The following TSHZ2 variants were observed in gnomAD, a reference collection of about 807,000 sequenced individuals.
TSHZ2 encodes teashirt zinc finger homeobox 2, also known as teashirt homolog 2.
TSHZ2 carries 21 observed loss-of-function variants against 74.4 expected under a neutral mutation model. The observed-to-expected ratio is 0.28, with a 90% confidence interval of 0.20 to 0.41. The LOEUF is 0.41. Among genes scored for constraint, TSHZ2 ranks in the 10% least tolerant of loss-of-function variants. The pLI is 1.00. For missense variants in TSHZ2, 1,244 were observed against 1,293.5 expected, an observed-to-expected ratio of 0.96 and a Z score of 0.59; for synonymous variants, 540 against 515.3, an observed-to-expected ratio of 1.05 and a Z score of -0.65.
At chr20:53,004,395 A>G (rs2122973897) in intron 1 of TSHZ2, among the ~76,000 whole-genome samples, 1 of 152,318 alleles carries the variant, frequency 6.6e-6, no homozygotes, top group East Asian at 1.9e-4. Flanking sequence ...CCTGATGGCC[A>G]AGACGTAAGA....
At chr20:53,114,412 G>GA (rs1436670229) in intron 1 of TSHZ2, among the ~76,000 whole-genome samples, 1 of 151,782 alleles carries the variant, frequency 6.6e-6, no homozygotes, top group African/African-American at 2.4e-5. Context: ...ATCTATAAAG[G>GA]AAAAATAGTA....
chr20:53,058,619 A>G (rs1395992022), intron 1 of TSHZ2, among the ~76,000 whole-genome samples: 2 of 152,224 alleles, frequency 1.3e-5, no homozygotes, highest in African/African-American at 4.8e-5. Flanking sequence ...AAAAGACAGT[A>G]GGAGAAAAAA....
At chr20:53,138,180 C>A (rs568977063) in intron 1 of TSHZ2, among the ~76,000 whole-genome samples, 17 of 151,996 alleles carry the variant, frequency 1.1e-4, no homozygotes, top group East Asian at 7.8e-4. Flanking sequence ...CAGGAGATCG[C>A]GACCATCCTG....
chr20:53,349,651 CAAAA>C (rs559107005), intron 2 of TSHZ2, among the ~76,000 whole-genome samples: 4 of 133,364 alleles, frequency 3.0e-5, no homozygotes, highest in Admixed American at 7.6e-5. Flanking sequence ...GACCCCACCT[CAAAA>C]AAAAAAAAAA....
chr20:53,241,295 A>C (rs1243002614), intron 1 of TSHZ2, among the ~76,000 whole-genome samples: 1 of 152,174 alleles, frequency 6.6e-6, no homozygotes, highest in Non-Finnish European at 1.5e-5. Flanking sequence ...GCTTCATGTA[A>C]CTATGTGTTG....
In TSHZ2 at chr20:53,488,195, A is replaced by G. The variant is rs1986345889; in HGVS notation, c.*1060A>G. The G allele has an allele frequency of 6.6e-6, 1 of 152,234 alleles. No homozygotes were observed. The highest frequency in any genetic ancestry group is 1.5e-5 in the Non-Finnish European group (1 of 68,040). 9.4% of individuals were successfully genotyped at this position (152,234 alleles called of 1,614,324 possible). On this transcript the variant is annotated 3_prime_UTR_variant, in exon 3 of 3. Transcript: ENST00000371497. ...AGGGCCCAATTTTAATTTGTGGAAT[A>G]TTCCCGTTAATAATGAGATCTAATT...
chr20:53,051,448 G>A (rs1984457673), intron 1 of TSHZ2, among the ~76,000 whole-genome samples: 1 of 107,082 alleles, frequency 9.3e-6, no homozygotes, highest in African/African-American at 3.3e-5. Context: ...ATATTACTCT[G>A]TGGCGCACGC....
At chr20:53,124,524 A>C (rs1390956454) in intron 1 of TSHZ2, among the ~76,000 whole-genome samples, 2 of 152,236 alleles carry the variant, frequency 1.3e-5, no homozygotes, top group Non-Finnish European at 2.9e-5. Context: ...AGCTCTCTCC[A>C]TGCATCATCG....
chr20:53,471,803 CTT>C lies in TSHZ2; in HGVS notation c.*9-15322_*9-15321del, dbSNP rs58027394. 6.3e-3 allele frequency among the ~76,000 whole-genome samples: 551 copies of C among 87,270 alleles called. 10 individuals carry two copies. The highest frequency in any genetic ancestry group is 0.018 in the African/African-American group (418 of 22,928). 57.3% of individuals were successfully genotyped at this position (87,270 alleles called of 152,430 possible). On this transcript the variant is annotated intron_variant, in intron 2 of 2. Coordinates refer to ENST00000371497, the MANE Select transcript of TSHZ2 (RefSeq NM_173485.6). Reference sequence around the variant, plus strand: ...TAAGTGCCGTAGACACTTTTCTTTTCTTTTTTTTTTTTTTTTTTTTGAGATAG... The same window carrying C: ...TAAGTGCCGTAGACACTTTTCTTTTCTTTTTTTTTTTTTTTTTTGAGATAG...
At chr20:53,328,061 G>T (rs1979568658) in intron 2 of TSHZ2, among the ~76,000 whole-genome samples, 2 of 152,206 alleles carry the variant, frequency 1.3e-5, no homozygotes, top group Admixed American at 1.3e-4. Context: ...GTCATTTAAA[G>T]CAGGGGGCTG....
In TSHZ2 at chr20:53,441,271, T is replaced by TTTTATTTTAA. The variant is rs1555866680; in HGVS notation, c.*9-45866_*9-45865insTAATTTATTT. Reference sequence around the variant, plus strand: ...TTTTATTTTATTTTATTTTATTTTATTTTATTTATTTTGAGATGGAGTCTC... The same window carrying TTTTATTTTAA: ...TTTTATTTTATTTTATTTTATTTTATTTTATTTTAATTTATTTATTTTGAGATGGAGTCTC... On this transcript the variant is annotated intron_variant, in intron 2 of 2. Coordinates refer to ENST00000371497, the MANE Select transcript of TSHZ2 (RefSeq NM_173485.6). 6.9e-5 allele frequency among the ~76,000 whole-genome samples: 10 copies of TTTTATTTTAA among 145,222 alleles called. 1 individual carries two copies. Among genetic ancestry groups the TTTTATTTTAA allele is most frequent in the African/African-American group, 2.6e-4 (10 of 38,490 alleles).
In TSHZ2 at chr20:53,366,549, C is replaced by T. The variant is rs373114487; in HGVS notation, c.*8+109978C>T. On this transcript the variant is annotated intron_variant, in intron 2 of 2. Transcript: ENST00000371497. ...TGCCTCTTACTACCTTTGTGGAAAG[C>T]GGGTCAACCTCTGCAAGTCTGTTCT... 1.1e-4 allele frequency among the ~76,000 whole-genome samples: 17 copies of T among 152,302 alleles called. No individual in the cohort carries two copies. In the East Asian group the frequency reaches 1.3e-3, roughly 12 times the overall value.
At chr20:53,357,004 T>A (rs958308193) in intron 2 of TSHZ2, among the ~76,000 whole-genome samples, 2 of 152,126 alleles carry the variant, frequency 1.3e-5, no homozygotes, top group Non-Finnish European at 1.5e-5. Flanking sequence ...GACCTAAAGT[T>A]TGTCTTTTTC....
chr20:53,093,457 C>A (rs1029860464), intron 1 of TSHZ2, among the ~76,000 whole-genome samples: 2 of 152,226 alleles, frequency 1.3e-5, no homozygotes, highest in African/African-American at 4.8e-5. Flanking sequence ...GCTCATGCTT[C>A]CTTTTCCAAC....
At chr20:53,312,928 G>T (rs563053682) in intron 2 of TSHZ2, among the ~76,000 whole-genome samples, 2 of 152,292 alleles carry the variant, frequency 1.3e-5, no homozygotes, top group African/African-American at 4.8e-5. Flanking sequence ...ATGAAGGACT[G>T]TCTCTCAGCA....
intron 1 of TSHZ2, among the ~76,000 whole-genome samples, chr20:53,089,835 C>T (rs1199399165): frequency 1.3e-5 from 2 of 152,176 alleles, no homozygotes; most frequent in African/African-American, 4.8e-5. Flanking sequence ...TGGGGAGCGC[C>T]CAAGAATCCT....
intron 1 of TSHZ2, among the ~76,000 whole-genome samples, chr20:53,098,493 G>A (rs958433297): frequency 2.6e-5 from 4 of 152,126 alleles, no homozygotes; most frequent in Admixed American, 1.3e-4. Flanking sequence ...CAATTAGTAA[G>A]TCAACAACTA....
At position 53,446,412 on chromosome 20, in the gene TSHZ2, A is replaced by C. The variant is rs1260040390; in HGVS notation, c.*9-40732A>C. Reference sequence around the variant, plus strand: ...CCCCGTCTCTACTAAAAATACAAAAAAAAAAAAAAAAAACTAGCCGGGTGT... The same window carrying C: ...CCCCGTCTCTACTAAAAATACAAAACAAAAAAAAAAAAACTAGCCGGGTGT... On this transcript the variant is annotated intron_variant, in intron 2 of 2. Coordinates refer to ENST00000371497, the MANE Select transcript of TSHZ2 (RefSeq NM_173485.6). Among the ~76,000 whole-genome samples, 109 of 151,162 alleles carry C rather than the reference A, an allele frequency of 7.2e-4. 1 individual carries two copies. Among genetic ancestry groups the C allele is most frequent in the African/African-American group, 2.3e-3 (93 of 41,226 alleles).
chr20:53,080,813 T>A (rs1368042742), intron 1 of TSHZ2, among the ~76,000 whole-genome samples: 1 of 152,166 alleles, frequency 6.6e-6, no homozygotes, highest in Admixed American at 6.5e-5. Context: ...TAGAGTCGTA[T>A]CATTTTTGTT....
Sources: gnomAD v4.1 joint callset for allele counts (sites outside exome capture counted in the v4.1 genomes callset) on GRCh38, gnomAD v4.1.1 for gene constraint, MANE v1.5 for transcripts, NCBI Gene and HGNC (gene_info 2026-07-23, HGNC 2026-07-21) for gene names.